AFG2A: variants seen among roughly 807,000 people sequenced by gnomAD.
AFG2A encodes ATPase family gene 2 protein homolog A.
At chr4:123,225,275 A>C in the AFG2A span, among the ~76,000 whole-genome samples, 1 of 152,156 alleles carries the variant, frequency 6.6e-6, no homozygotes, top group Non-Finnish European at 1.5e-5. Flanking sequence ...TTAGACATGA[A>C]GTTCTTGCAC....
At chr4:123,280,025 C>T in the AFG2A span, among the ~76,000 whole-genome samples, 1 of 152,082 alleles carries the variant, frequency 6.6e-6, no homozygotes, top group African/African-American at 2.4e-5. Flanking sequence ...TTGCAGAGGA[C>T]AATACCATGT....
At chr4:123,143,831 C>CTT in the AFG2A span, among the ~76,000 whole-genome samples, 18 of 133,630 alleles carry the variant, frequency 1.3e-4, no homozygotes, top group African/African-American at 4.7e-4. Context: ...ACTTCTCTCT[C>CTT]TTTTTTTTTT....
At chr4:123,243,938 C>T in the AFG2A span, among the ~76,000 whole-genome samples, 3 of 152,228 alleles carry the variant, frequency 2.0e-5, no homozygotes, top group Middle Eastern at 3.4e-3. Context: ...GGGAGGACCG[C>T]TTGGACCCTG....
the AFG2A span, among the ~76,000 whole-genome samples, chr4:123,096,643 A>T: frequency 6.6e-6 from 1 of 152,072 alleles, no homozygotes; most frequent in Non-Finnish European, 1.5e-5. Context: ...ACAAGCTCCT[A>T]ATAAGAACTA....
chr4:123,255,147 T>C, the AFG2A span, among the ~76,000 whole-genome samples: 1 of 152,126 alleles, frequency 6.6e-6, no homozygotes, highest in African/African-American at 2.4e-5. Context: ...TATTTTTTTG[T>C]AGAGATGTCG....
chr4:123,056,648 T>C, the AFG2A span, among the ~76,000 whole-genome samples: 2 of 152,216 alleles, frequency 1.3e-5, no homozygotes, highest in African/African-American at 4.8e-5. Context: ...TTAAACATCA[T>C]ATTACCAGCC....
At chr4:123,173,811 TTAAC>T in the AFG2A span, among the ~76,000 whole-genome samples, 24 of 152,270 alleles carry the variant, frequency 1.6e-4, no homozygotes, top group South Asian at 4.1e-3. Context: ...TTGATAAACT[TTAAC>T]TATATAATTA....
the AFG2A span, among the ~76,000 whole-genome samples, chr4:123,244,667 G>A: frequency 6.6e-6 from 1 of 152,200 alleles, no homozygotes; most frequent in African/African-American, 2.4e-5. Flanking sequence ...TCCATTCTTT[G>A]TAGTATATAT....
At chr4:123,026,580 C>T in the AFG2A span, among the ~76,000 whole-genome samples, 4 of 152,042 alleles carry the variant, frequency 2.6e-5, no homozygotes, top group Non-Finnish European at 5.9e-5. Context: ...TTGATTTCTG[C>T]GGTATTTTGA....
At chr4:123,197,622 A>T in the AFG2A span, among the ~76,000 whole-genome samples, 2 of 151,832 alleles carry the variant, frequency 1.3e-5, no homozygotes, top group Admixed American at 1.3e-4. Flanking sequence ...ACAAAAAATT[A>T]GCCGGGCACA....
chr4:122,929,534 A>G, the AFG2A span, among the ~76,000 whole-genome samples: 6 of 152,080 alleles, frequency 3.9e-5, no homozygotes, highest in South Asian at 1.2e-3. Context: ...TCTCTACAAA[A>G]AATACAAAAA....
the AFG2A span, among the ~76,000 whole-genome samples, chr4:122,943,315 G>C: frequency 6.6e-6 from 1 of 152,152 alleles, no homozygotes; most frequent in African/African-American, 2.4e-5. Flanking sequence ...GAATCTGGGT[G>C]CTCCTGTTTT....
At chr4:122,928,851 G>A in the AFG2A span, among the ~76,000 whole-genome samples, 1 of 152,098 alleles carries the variant, frequency 6.6e-6, no homozygotes, top group Non-Finnish European at 1.5e-5. Flanking sequence ...ATGAGCCCAT[G>A]TAGTATTTAA....
At chr4:123,133,010 G>A in the AFG2A span, among the ~76,000 whole-genome samples, 1 of 152,056 alleles carries the variant, frequency 6.6e-6, no homozygotes, top group African/African-American at 2.4e-5. Flanking sequence ...TCGATCTCCT[G>A]ACCTCATGAT....
the AFG2A span, among the ~76,000 whole-genome samples, chr4:122,987,803 AT>A: frequency 6.6e-6 from 1 of 151,336 alleles, no homozygotes; most frequent in Non-Finnish European, 1.5e-5. Flanking sequence ...GCTATTTGTA[AT>A]TTTTTTTTAA....
At chr4:123,279,001 G>C in the AFG2A span, among the ~76,000 whole-genome samples, 1 of 152,068 alleles carries the variant, frequency 6.6e-6, no homozygotes, top group African/African-American at 2.4e-5. Flanking sequence ...AACGTAAATG[G>C]CACCATATAT....
At chr4:123,001,183 A>C in the AFG2A span, among the ~76,000 whole-genome samples, 1 of 148,140 alleles carries the variant, frequency 6.8e-6, no homozygotes, top group South Asian at 2.2e-4. Context: ...CGTTTATTTG[A>C]TTCTTCTCTC....
the AFG2A span, among the ~76,000 whole-genome samples, chr4:123,234,082 AAG>A: frequency 6.6e-6 from 1 of 152,164 alleles, no homozygotes; most frequent in African/African-American, 2.4e-5. Flanking sequence ...TTACAAAAGA[AAG>A]AGGAAAACTT....
chr4:123,307,108 T>A, the AFG2A span, among the ~76,000 whole-genome samples: 1 of 152,240 alleles, frequency 6.6e-6, no homozygotes, highest in Non-Finnish European at 1.5e-5. Flanking sequence ...GAGTTCTTTA[T>A]GGCCTCATAG....
Sources: gnomAD v4.1 joint callset for allele counts (sites outside exome capture counted in the v4.1 genomes callset) on GRCh38, gnomAD v4.1.1 for gene constraint, MANE v1.5 for transcripts, NCBI Gene and HGNC (gene_info 2026-07-23, HGNC 2026-07-21) for gene names.